The following ZNF280D variants were observed in gnomAD, a reference collection of about 807,000 sequenced individuals.
ZNF280D encodes the protein suppressor of hairy wing homolog 4.
Under a neutral mutation model 94.7 loss-of-function variants are expected in ZNF280D, and 39 were observed. The observed-to-expected ratio is 0.41, with a 90% CI of 0.32 to 0.54. The LOEUF is 0.54. Among genes scored for constraint, ZNF280D ranks in the 20% least tolerant of loss-of-function variants. ZNF280D has a pLI of 0.22. For missense variants in ZNF280D, 1,090 were observed against 1,149.3 expected, an observed-to-expected ratio of 0.95 and a Z score of 0.75; for synonymous variants, 398 against 377.6, an observed-to-expected ratio of 1.05 and a Z score of -0.63.
At chr15:56,716,752 AC>A (rs1174737792) in intron 1 of ZNF280D, among the ~76,000 whole-genome samples, 3 of 151,986 alleles carry the variant, frequency 2.0e-5, no homozygotes, top group Admixed American at 6.6e-5. Context: ...ACTAATCAAC[AC>A]CCCCACTTGA....
Position 56,705,346 on chromosome 15 carries a change from T to C in ZNF280D, c.29-1079A>G, listed in dbSNP as rs529002489. Among the ~76,000 whole-genome samples the C allele has an allele frequency of 9.2e-4, 140 of 152,346 alleles. 1 individual carries two copies. Among genetic ancestry groups the C allele is most frequent in the African/African-American group, 3.2e-3 (132 of 41,588 alleles). On this transcript the variant is annotated intron_variant, in intron 3 of 21. Coordinates refer to ENST00000267807, the MANE Select transcript of ZNF280D (RefSeq NM_017661.4). ...AGCCTTATTGTGTGTCTCAGAGCGA[T>C]TATTTATACCACGTCTTCTACCTAG...
At chr15:56,699,747 A>G (rs1463377268) in intron 6 of ZNF280D, 1 of 196,420 alleles carries the variant, frequency 5.1e-6, no homozygotes, top group African/African-American at 2.4e-5. Context: ...CATACTTCAG[A>G]CACAGAGGTA....
At chr15:56,708,739 C>G (rs1567019224) in intron 1 of ZNF280D, among the ~76,000 whole-genome samples, 2 of 152,154 alleles carry the variant, frequency 1.3e-5, no homozygotes. Context: ...ACAAACCTGA[C>G]AAAAACAAGA....
At chr15:56,657,643 TA>T (rs1457618173) in intron 17 of ZNF280D, among the ~76,000 whole-genome samples, 1 of 152,016 alleles carries the variant, frequency 6.6e-6, no homozygotes, top group Non-Finnish European at 1.5e-5. Context: ...ATATCAGGTT[TA>T]AAAAAAGTTA....
chr15:56,672,846 GT>G (rs1342590629), intron 13 of ZNF280D, among the ~76,000 whole-genome samples: 5 of 149,538 alleles, frequency 3.3e-5, no homozygotes, highest in Admixed American at 1.3e-4. Context: ...TGGATCTTAA[GT>G]TTTTTTTTTC....
intron 9 of ZNF280D, among the ~76,000 whole-genome samples, chr15:56,688,250 T>G (rs946268829): frequency 3.3e-5 from 5 of 152,108 alleles, no homozygotes; most frequent in African/African-American, 4.8e-5. Context: ...CCCAGCACTT[T>G]AGGAGGTTGA....
intron 7 of ZNF280D, among the ~76,000 whole-genome samples, chr15:56,690,917 AGTTAACTTGTCACTCTCTAGTTAT>A (rs1566988147): frequency 1.3e-5 from 2 of 152,134 alleles, no homozygotes; most frequent in Non-Finnish European, 1.5e-5. Flanking sequence ...TATGTTAACT[AGTTAACTTGTCACTCTCTAGTTAT>A]GTTAACTTGT....
chr15:56,642,792 A>G (rs987815363), intron 20 of ZNF280D, among the ~76,000 whole-genome samples, 160 bp downstream of exon 20: 2 of 151,744 alleles, frequency 1.3e-5, no homozygotes, highest in Non-Finnish European at 3.0e-5. Flanking sequence ...AGATATTTTT[A>G]TATGTAATGA....
At chr15:56,654,616 C>A in intron 17 of ZNF280D, 113 bp from the exon 18 acceptor site, 2 of 902,802 alleles carry the variant, frequency 2.2e-6, no homozygotes, top group South Asian at 1.8e-5. Context: ...CTATAACTTC[C>A]CATTTTTGTT....
chr15:56,707,124 G>C lies in ZNF280D; in HGVS notation c.-15C>G. On this transcript the variant is annotated 5_prime_UTR_variant, in exon 3 of 22. Coordinates refer to ENST00000267807, the MANE Select transcript of ZNF280D (RefSeq NM_017661.4). Reference sequence around the variant, plus strand: ...TTGTCGCCCATCAAGCTGCAGAGATGACTTTCTGTAAATTGTCACCTAAGT... The same window carrying C: ...TTGTCGCCCATCAAGCTGCAGAGATCACTTTCTGTAAATTGTCACCTAAGT... The C allele has an allele frequency of 6.2e-7, 1 of 1,613,810 alleles. No homozygotes were observed. Among genetic ancestry groups the C allele is most frequent in the African/African-American group, 1.3e-5 (1 of 75,028 alleles).
intron 6 of ZNF280D, among the ~76,000 whole-genome samples, chr15:56,694,165 C>A (rs2056592849): frequency 6.6e-6 from 1 of 151,868 alleles, no homozygotes; most frequent in South Asian, 2.1e-4. Context: ...TGATAATGGG[C>A]TCAAGTATAA....
At chr15:56,690,162 C>T (rs1356310070) in intron 7 of ZNF280D, among the ~76,000 whole-genome samples, 2 of 152,094 alleles carry the variant, frequency 1.3e-5, no homozygotes, top group Non-Finnish European at 2.9e-5. Context: ...GCAGACAGAT[C>T]ACGAGGTCAG....
chr15:56,692,030 A>G (rs1405751296), intron 7 of ZNF280D, among the ~76,000 whole-genome samples: 1 of 152,182 alleles, frequency 6.6e-6, no homozygotes, highest in Non-Finnish European at 1.5e-5. Context: ...TCACTGAAGT[A>G]GAACACTTAT....
rs145735404 is a variant in ZNF280D at position 56,666,036 on chromosome 15, G to A, written c.1994+359C>T. The stretch of plus-strand genomic sequence containing the variant: ...CTGTTGTCCCAGCTACTCAGGAGGC[G>A]AAGGCAGGGGAATTGCTTGATCCTG... On this transcript the variant is annotated intron_variant, in intron 16 of 21. Transcript: ENST00000267807. Among the ~76,000 whole-genome samples, 289 of 151,994 alleles carry A rather than the reference G, an allele frequency of 1.9e-3. 1 individual carries two copies. Among genetic ancestry groups the A allele is most frequent in the Admixed American group, 4.1e-3 (62 of 15,278 alleles).
In ZNF280D at chr15:56,709,519, A is replaced by C. The variant is rs111485665; in HGVS notation, c.-85-2213T>G. ...CCCTTCCACTACTGGGTATATACTC[A>C]AAGGATTATAAATCATGTTGCTATA... On this transcript the variant is annotated intron_variant, in intron 1 of 21. Coordinates refer to ENST00000267807, the MANE Select transcript of ZNF280D (RefSeq NM_017661.4). Among the ~76,000 whole-genome samples the C allele has an allele frequency of 2.2e-3, 336 of 152,350 alleles. 2 individuals carry two copies. Among genetic ancestry groups the C allele is most frequent in the African/African-American group, 7.7e-3 (320 of 41,578 alleles).
chr15:56,674,276 T>A (rs1487176653), intron 13 of ZNF280D, among the ~76,000 whole-genome samples: 1 of 152,056 alleles, frequency 6.6e-6, no homozygotes, highest in East Asian at 1.9e-4. Context: ...AGTTCCTTAG[T>A]TGGACTCAAG....
intron 20 of ZNF280D, among the ~76,000 whole-genome samples, chr15:56,639,990 G>C (rs992497171): frequency 4.6e-5 from 7 of 151,840 alleles, no homozygotes; most frequent in African/African-American, 9.7e-5. Context: ...GTGAACACTG[G>C]AAAAACTATT....
intron 1 of ZNF280D, among the ~76,000 whole-genome samples, chr15:56,714,528 T>A (rs1349830472): frequency 6.6e-6 from 1 of 152,116 alleles, no homozygotes; most frequent in East Asian, 1.9e-4. Context: ...AGGGAAAAGG[T>A]TGGAATTCAG....
At chr15:56,692,280 T>C (rs1445787500) in intron 7 of ZNF280D, among the ~76,000 whole-genome samples, 2 of 152,084 alleles carry the variant, frequency 1.3e-5, no homozygotes, top group Admixed American at 6.6e-5. Context: ...AGTTTAAGTT[T>C]ATAATAAAAG....
Sources: allele counts gnomAD v4.1 joint callset (sites outside exome capture counted in the v4.1 genomes callset), GRCh38; gene constraint gnomAD v4.1.1; transcripts MANE v1.5; gene names NCBI Gene and HGNC (gene_info 2026-07-23, HGNC 2026-07-21).